Variants in NEMF observed in about 807,000 individuals in gnomAD.
NEMF encodes nuclear export mediator factor.
In NEMF, 89 loss-of-function variants were observed where a neutral mutation model predicts 162.2. The ratio of observed to expected loss-of-function variants is 0.55; its 90% CI spans 0.46 to 0.65. The LOEUF is 0.65. Among genes scored for constraint, NEMF ranks in the 30% least tolerant of loss-of-function variants. The pLI, the probability that NEMF is intolerant of heterozygous loss-of-function variation, is 0.00. For missense variants in NEMF, 1,133 were observed against 1,261.9 expected (o/e 0.90, Z 1.55); for synonymous variants, 421 against 404.5 (o/e 1.04, Z -0.49).
rs768939657 is a variant in NEMF, at chr14:49,782,648, CTT to C, written c.*1986_*1987del. On this transcript the variant is annotated 3_prime_UTR_variant, in exon 33 of 33. Transcript: ENST00000298310. Reference sequence around the variant, plus strand: ...TTATTTAAAATTGTGTTTCCTAAGACTTAGCACTCTCGAAAAACTAGGTTTAT... The same window carrying C: ...TTATTTAAAATTGTGTTTCCTAAGACAGCACTCTCGAAAAACTAGGTTTAT... 8 of 1,459,832 alleles carry C rather than the reference CTT, an allele frequency of 5.5e-6. No homozygotes were observed. The highest frequency in any genetic ancestry group is 2.4e-4 in the Middle Eastern group (1 of 4,134). 90.4% of individuals were successfully genotyped at this position (1,459,832 alleles called of 1,614,324 possible).
intron 16 of NEMF, among the ~76,000 whole-genome samples, chr14:49,821,684 TG>T (rs1892062970): frequency 2.8e-5 from 3 of 105,302 alleles, no homozygotes; most frequent in Non-Finnish European, 4.0e-5. Flanking sequence ...GGGAGGGAGG[TG>T]GGGGGCTCAG....
chr14:49,823,263 A>C lies in NEMF; in HGVS notation c.1577+2604T>G, dbSNP rs867018379. On this transcript the variant is annotated intron_variant, in intron 16 of 32. Transcript: ENST00000298310. ...AGCCTAAATATATATAATTTAAAAA[A>C]ATTTAAAAAGAAACAACTTGGAGAA... 5.7e-4 allele frequency among the ~76,000 whole-genome samples: 87 copies of C among 152,070 alleles called. 2 individuals are homozygous for C. The Middle Eastern group carries it at 0.01, about 18-fold the overall frequency.
rs188654998 is a variant in NEMF at position 49,828,959 on chromosome 14, T to C, written c.1232+95A>G. On this transcript the variant is annotated intron_variant, in intron 13 of 32. Transcript: ENST00000298310. ...TTAGTTTTTTCCCTTTCTTTGAGAA[T>C]TTCAAAATATGAAGAAAAAATGTTT... The C allele has an allele frequency of 2.4e-5, 33 of 1,388,164 alleles. No homozygotes were observed. The Middle Eastern group carries it at 5.6e-4, about 24-fold the overall frequency. The allele number at this position is 1,388,164 out of a possible 1,614,324, so 86.0% of individuals were successfully genotyped here.
chr14:49,830,676 G>A (rs952388984), intron 11 of NEMF, among the ~76,000 whole-genome samples: 3 of 152,196 alleles, frequency 2.0e-5, no homozygotes, highest in Non-Finnish European at 4.4e-5. Flanking sequence ...GTGCGCCACC[G>A]CGCCCAGCCT....
intron 3 of NEMF, among the ~76,000 whole-genome samples, chr14:49,850,378 G>A (rs546713327): frequency 6.6e-5 from 10 of 152,218 alleles, no homozygotes; most frequent in South Asian, 2.1e-4. Flanking sequence ...ATGAGCCACC[G>A]CACCTGGTCT....
chr14:49,835,642 T>C (rs1024150282), intron 6 of NEMF, among the ~76,000 whole-genome samples: 17 of 152,296 alleles, frequency 1.1e-4, no homozygotes, highest in Non-Finnish European at 1.9e-4. Flanking sequence ...CTATTCAACA[T>C]TGTACTGGAA....
chr14:49,795,641 A>C (rs1196234035), intron 26 of NEMF, 150 bp downstream of exon 26: 1 of 648,146 alleles, frequency 1.5e-6, no homozygotes, highest in African/African-American at 1.8e-5. Flanking sequence ...GTGTTCCCTA[A>C]ATGCTGTATC....
chr14:49,782,824 T>G lies in NEMF; in HGVS notation c.*1812A>C. The G allele has an allele frequency of 1.9e-6, 3 of 1,611,236 alleles. No individual in the cohort carries two copies. The highest frequency in any genetic ancestry group is 1.3e-5 in the African/African-American group (1 of 74,894). ...ATTACTTTTCTCTTTCCTTGTCCACTTTCAGGCTAAGCTTAGAAGCAGTCA... is the reference window on the plus strand; with the variant it reads ...ATTACTTTTCTCTTTCCTTGTCCACGTTCAGGCTAAGCTTAGAAGCAGTCA... On this transcript the variant is annotated 3_prime_UTR_variant, in exon 33 of 33. Transcript: ENST00000298310.
chr14:49,795,352 C>T (rs1053766025), intron 26 of NEMF, among the ~76,000 whole-genome samples: 6 of 2,854 alleles, frequency 2.1e-3, no homozygotes, highest in African/African-American at 0.013. Flanking sequence ...GAGCTGACAG[C>T]GGGGTTGGGG....
intron 16 of NEMF, among the ~76,000 whole-genome samples, chr14:49,825,079 G>A (rs535287521): frequency 3.9e-5 from 6 of 152,204 alleles, no homozygotes; most frequent in African/African-American, 1.4e-4. Flanking sequence ...CAAATGAAAT[G>A]ACAATTAATA....
At chr14:49,841,878 G>T (rs992424845) in intron 4 of NEMF, among the ~76,000 whole-genome samples, 1 of 152,098 alleles carries the variant, frequency 6.6e-6, no homozygotes, top group Non-Finnish European at 1.5e-5. Flanking sequence ...GGCTGAGGCG[G>T]GCAGATCACC....
intron 11 of NEMF, 75 bp downstream of exon 11, chr14:49,831,224 A>G (rs1042750771): frequency 2.5e-6 from 2 of 796,710 alleles, no homozygotes; most frequent in Non-Finnish European, 4.3e-6. Context: ...CTGAAAGGCT[A>G]CCCTTTCCTA....
intron 4 of NEMF, among the ~76,000 whole-genome samples, chr14:49,843,998 C>G (rs1040781679): frequency 1.3e-5 from 2 of 151,730 alleles, no homozygotes; most frequent in African/African-American, 4.8e-5. Flanking sequence ...ACTCAGGAGG[C>G]TGAGGCACTA....
intron 3 of NEMF, among the ~76,000 whole-genome samples, chr14:49,850,647 T>C (rs1432298932): frequency 1.3e-5 from 2 of 151,974 alleles, no homozygotes; most frequent in Non-Finnish European, 2.9e-5. Context: ...AAAATCTGTT[T>C]TAATAGTAAA....
chr14:49,797,912 T>C (rs141943604), intron 25 of NEMF, among the ~76,000 whole-genome samples: 2 of 152,314 alleles, frequency 1.3e-5, no homozygotes, highest in African/African-American at 4.8e-5. Context: ...GTTCTCCCCA[T>C]GTCTTTGTGG....
chr14:49,834,688 G>T (rs768226003), intron 6 of NEMF, among the ~76,000 whole-genome samples: 1 of 152,040 alleles, frequency 6.6e-6, no homozygotes, highest in Admixed American at 6.6e-5. Flanking sequence ...TCACCATGTT[G>T]TCCAGGCTGG....
intron 15 of NEMF, among the ~76,000 whole-genome samples, chr14:49,827,484 G>C (rs1051671996): frequency 1.3e-5 from 2 of 150,000 alleles, no homozygotes; most frequent in African/African-American, 2.4e-5. Context: ...ACCACACCCA[G>C]TCTTCACTTT....
Position 49,799,207 on chromosome 14 carries a change from C to CAAAAAAAAAA in NEMF, c.2465+258_2465+267dup, listed in dbSNP as rs780442972. On this transcript the variant is annotated intron_variant, in intron 25 of 32. Transcript: ENST00000298310. Reference sequence around the variant, plus strand: ...TGGGCAACAAAGCGAGACCCTGTTTCAAAAAAAAAAAAAAAAAAAAAAAAA... The same window carrying CAAAAAAAAAA: ...TGGGCAACAAAGCGAGACCCTGTTTCAAAAAAAAAAAAAAAAAAAAAAAAAAAAAAAAAAA... 4.2e-4 allele frequency among the ~76,000 whole-genome samples: 25 copies of CAAAAAAAAAA among 59,050 alleles called. 3 individuals are homozygous for CAAAAAAAAAA. The highest frequency in any genetic ancestry group is 7.7e-4 in the African/African-American group (11 of 14,196). The allele number at this position is 59,050 out of a possible 152,430, so 38.7% of individuals were successfully genotyped here.
At chr14:49,809,647 G>C (rs1293000306) in intron 18 of NEMF, among the ~76,000 whole-genome samples, 10 of 152,268 alleles carry the variant, frequency 6.6e-5, no homozygotes, top group Admixed American at 2.6e-4. Flanking sequence ...CAGAACACTT[G>C]TCAGGAGTTC....
Sources: allele counts gnomAD v4.1 joint callset (sites outside exome capture counted in the v4.1 genomes callset), GRCh38; gene constraint gnomAD v4.1.1; transcripts MANE v1.5; gene names NCBI Gene and HGNC (gene_info 2026-07-23, HGNC 2026-07-21).